THSD7A: variants seen among roughly 807,000 people sequenced by gnomAD.
THSD7A encodes the protein thrombospondin type-1 domain-containing protein 7A.
A neutral mutation model predicts 231.3 loss-of-function variants in THSD7A; 96 were observed. The ratio of observed to expected loss-of-function variants is 0.41; its 90% confidence interval spans 0.35 to 0.49. The LOEUF (loss-of-function observed/expected upper bound fraction) is 0.49, where lower values mean the gene tolerates loss of function less well. THSD7A is among the 20% of genes least tolerant of loss of function. The pLI is 0.05. For missense variants in THSD7A, 2,290 were observed against 2,070.2 expected (o/e 1.11, Z -2.06); for synonymous variants, 940 against 743.3 (o/e 1.26, Z -4.30).
chr7:11,693,328 A>G (rs897885434), intron 1 of THSD7A, among the ~76,000 whole-genome samples: 10 of 151,560 alleles, frequency 6.6e-5, no homozygotes, highest in Non-Finnish European at 1.2e-4. Flanking sequence ...CTCTAAAACC[A>G]AGTATATCAT....
chr7:11,697,677 TC>T (rs1056790451), intron 1 of THSD7A, among the ~76,000 whole-genome samples: 2 of 151,370 alleles, frequency 1.3e-5, no homozygotes, highest in African/African-American at 4.8e-5. Context: ...TCAAATGTCT[TC>T]TCATTTATCC....
At chr7:11,821,818 T>A (rs1201131732) in intron 1 of THSD7A, among the ~76,000 whole-genome samples, 1 of 152,164 alleles carries the variant, frequency 6.6e-6, no homozygotes, top group Non-Finnish European at 1.5e-5. Flanking sequence ...TCATTTCTTT[T>A]CCCATAGCAT....
intron 6 of THSD7A, among the ~76,000 whole-genome samples, chr7:11,506,748 C>T (rs964281137): frequency 2.6e-5 from 4 of 152,310 alleles, no homozygotes; most frequent in Middle Eastern, 3.4e-3. Flanking sequence ...ACACTTTCCT[C>T]TCTGATATTT....
Position 11,371,388 on chromosome 7 carries a change from A to AAAC in THSD7A, c.*4403_*4405dup, listed in dbSNP as rs1440376177. The AAAC allele has an allele frequency of 2.0e-5, 3 of 152,226 alleles. No individual in the cohort carries two copies. The highest frequency in any genetic ancestry group is 7.2e-5 in the African/African-American group (3 of 41,448). 9.4% of individuals were successfully genotyped at this position (152,226 alleles called of 1,614,324 possible). A position where few individuals can be genotyped will look rare whatever the true frequency, so the allele number is the denominator to read the frequency against. On this transcript the variant is annotated 3_prime_UTR_variant, in exon 28 of 28. Coordinates refer to ENST00000423059, the MANE Select transcript of THSD7A (RefSeq NM_015204.3). ...ACAAGCAGATGTAGTTCTCACAACT[A>AAAC]AACTAGTCCCAGGAAAGATCACATT...
intron 6 of THSD7A, among the ~76,000 whole-genome samples, chr7:11,495,761 T>C (rs779851523): frequency 6.6e-6 from 1 of 152,118 alleles, no homozygotes; most frequent in Non-Finnish European, 1.5e-5. Context: ...GTTTCATAGA[T>C]AATGTGCTGA....
chr7:11,693,621 C>A (rs147017027), intron 1 of THSD7A, among the ~76,000 whole-genome samples: 1 of 151,536 alleles, frequency 6.6e-6, no homozygotes. Flanking sequence ...TAGTGGGCTT[C>A]GTGTCAGATA....
chr7:11,799,438 T>C (rs573639074), intron 1 of THSD7A, among the ~76,000 whole-genome samples: 22 of 152,358 alleles, frequency 1.4e-4, no homozygotes, highest in Non-Finnish European at 2.1e-4. Context: ...TTCTAAATCA[T>C]ATTACTTCAA....
At chr7:11,489,688 C>A (rs1379949050) in intron 6 of THSD7A, among the ~76,000 whole-genome samples, 2 of 151,988 alleles carry the variant, frequency 1.3e-5, no homozygotes, top group Non-Finnish European at 2.9e-5. Flanking sequence ...CTGTTCACCC[C>A]ACCCCCTAAC....
chr7:11,641,476 A>T (rs991212452), intron 1 of THSD7A, among the ~76,000 whole-genome samples: 1 of 152,136 alleles, frequency 6.6e-6, no homozygotes, highest in Non-Finnish European at 1.5e-5. Context: ...GTTTGCTTAG[A>T]TAACTAAGAA....
At chr7:11,821,603 A>G (rs1321937659) in intron 1 of THSD7A, among the ~76,000 whole-genome samples, 1 of 152,162 alleles carries the variant, frequency 6.6e-6, no homozygotes, top group South Asian at 2.1e-4. Context: ...CTCTCTTAAA[A>G]TATCTCACTT....
chr7:11,799,174 G>T (rs1471705555), intron 1 of THSD7A, among the ~76,000 whole-genome samples: 1 of 152,102 alleles, frequency 6.6e-6, no homozygotes, highest in Non-Finnish European at 1.5e-5. Flanking sequence ...ACCCGCCTTG[G>T]CCTCTCAAAG....
intron 1 of THSD7A, among the ~76,000 whole-genome samples, chr7:11,713,371 C>G (rs373910682): frequency 1.3e-5 from 2 of 151,292 alleles, no homozygotes; most frequent in South Asian, 2.1e-4. Context: ...TAGGATATGC[C>G]ATGTTACATT....
At position 11,401,569 on chromosome 7, in the gene THSD7A, C is replaced by T. The variant is rs577503878; in HGVS notation, c.4411+226G>A. Among the ~76,000 whole-genome samples the T allele has an allele frequency of 3.9e-5, 6 of 152,182 alleles. No homozygotes were observed. In the South Asian group the frequency reaches 1.2e-3, roughly 32 times the overall value. Reference sequence around the variant, plus strand: ...AGTAGCTTGGATTACAGGAGCCTGACACCATGCATAATTTTTTTTTTGGTA... The same window carrying T: ...AGTAGCTTGGATTACAGGAGCCTGATACCATGCATAATTTTTTTTTTGGTA... On this transcript the variant is annotated intron_variant, in intron 23 of 27. Transcript: ENST00000423059.
At chr7:11,583,851 G>A (rs1437133111) in intron 4 of THSD7A, among the ~76,000 whole-genome samples, 2 of 152,044 alleles carry the variant, frequency 1.3e-5, no homozygotes, top group Non-Finnish European at 2.9e-5. Context: ...TGGACTCATG[G>A]AAGTAAGCAT....
intron 1 of THSD7A, among the ~76,000 whole-genome samples, chr7:11,701,175 C>T (rs1780588300): frequency 7.2e-6 from 1 of 138,052 alleles, no homozygotes; most frequent in Non-Finnish European, 1.6e-5. Context: ...AAGTAAAAAA[C>T]ACAAGTGTGT....
chr7:11,788,164 C>T (rs909046998), intron 1 of THSD7A, among the ~76,000 whole-genome samples: 3 of 152,048 alleles, frequency 2.0e-5, no homozygotes, highest in African/African-American at 4.8e-5. Context: ...TTTCTATGAA[C>T]CCACCATATT....
intron 2 of THSD7A, among the ~76,000 whole-genome samples, chr7:11,624,392 G>C (rs6958671): frequency 0.014 from 2,179 of 152,156 alleles, 49 homozygotes; most frequent in African/African-American, 0.049. Flanking sequence ...CTTTTCAAAA[G>C]TTATTTACTG....
intron 1 of THSD7A, among the ~76,000 whole-genome samples, chr7:11,824,741 C>T (rs1784975895): frequency 6.6e-6 from 1 of 152,042 alleles, no homozygotes; most frequent in Non-Finnish European, 1.5e-5. Flanking sequence ...ACACAAACTG[C>T]AGTGGTTTTT....
intron 6 of THSD7A, among the ~76,000 whole-genome samples, chr7:11,522,140 T>C (rs1418549170): frequency 2.0e-5 from 3 of 152,032 alleles, no homozygotes; most frequent in South Asian, 2.1e-4. Context: ...AAACTGAAAG[T>C]GAGTGGTAAA....
Sources: gnomAD v4.1 joint callset for allele counts (sites outside exome capture counted in the v4.1 genomes callset) on GRCh38, gnomAD v4.1.1 for gene constraint, MANE v1.5 for transcripts, NCBI Gene and HGNC (gene_info 2026-07-23, HGNC 2026-07-21) for gene names.